NHSL1: variants seen among roughly 807,000 people sequenced by gnomAD.
NHSL1 encodes NHS like 1.
Under a neutral mutation model 95.0 loss-of-function variants are expected in NHSL1, and 48 were observed. That is an observed-to-expected ratio of 0.51 (90% confidence interval 0.40 to 0.64). The LOEUF is 0.64. Ranked by LOEUF, NHSL1 falls within the 30% of genes least tolerant of loss-of-function variation. The probability of loss-of-function intolerance (pLI) is 0.00; values close to 1 mark genes in which losing one functional copy is unlikely to be tolerated. For synonymous variants in NHSL1, 783 were observed against 833.9 expected (o/e 0.94, Z 1.05); for missense variants, 1,971 against 2,077.7 (o/e 0.95, Z 1.00).
chr6:138,673,608 T>TC (rs1785410148), intron 1 of NHSL1, among the ~76,000 whole-genome samples: 1 of 152,212 alleles, frequency 6.6e-6, no homozygotes, highest in Non-Finnish European at 1.5e-5. Flanking sequence ...AAGTTAATTT[T>TC]CACTTTGGAA....
chr6:138,630,775 G>T (rs1056525310), intron 1 of NHSL1, among the ~76,000 whole-genome samples: 6 of 152,252 alleles, frequency 3.9e-5, no homozygotes, highest in African/African-American at 1.4e-4. Context: ...CTCTAAATAT[G>T]CTTGAGCTAA....
At chr6:138,535,024 G>A (rs747043478) in intron 1 of NHSL1, among the ~76,000 whole-genome samples, 8 of 152,068 alleles carry the variant, frequency 5.3e-5, no homozygotes, top group African/African-American at 9.7e-5. Flanking sequence ...TTGCCAAGAC[G>A]AGCTTTTACT....
At position 138,488,106 on chromosome 6, in the gene NHSL1, C is replaced by A. The variant is rs555946159; in HGVS notation, c.211+8113G>T. ...CAGCCTGGCCAACATGGCAAAATCC[C>A]GTCTGTCCTAAAAATACAAAAATTA... On this transcript the variant is annotated intron_variant, in intron 2 of 7. Transcript: ENST00000343505. Among the ~76,000 whole-genome samples the A allele has an allele frequency of 7.9e-5, 12 of 152,120 alleles. 1 individual carries two copies. Among genetic ancestry groups the A allele is most frequent in the African/African-American group, 2.9e-4 (12 of 41,498 alleles).
At chr6:138,667,900 C>T (rs6570260) in intron 1 of NHSL1, among the ~76,000 whole-genome samples, 6,103 of 152,174 alleles carry the variant, frequency 0.04, 317 homozygotes, top group African/African-American at 0.12. Flanking sequence ...GTTAGGACTA[C>T]GAAAAAAGTT....
At chr6:138,652,085 A>G (rs1274869541) in intron 1 of NHSL1, among the ~76,000 whole-genome samples, 1 of 152,124 alleles carries the variant, frequency 6.6e-6, no homozygotes, top group Non-Finnish European at 1.5e-5. Flanking sequence ...AGATGAAATA[A>G]TATTTATTAT....
At chr6:138,427,880 T>C (rs139527662) in intron 7 of NHSL1, among the ~76,000 whole-genome samples, 1 of 152,344 alleles carries the variant, frequency 6.6e-6, no homozygotes, top group East Asian at 1.9e-4. Context: ...TTCTCAACGC[T>C]ACAACAGAAA....
intron 2 of NHSL1, among the ~76,000 whole-genome samples, chr6:138,475,291 C>T (rs994573130): frequency 1.3e-5 from 2 of 151,816 alleles, no homozygotes; most frequent in African/African-American, 2.4e-5. Flanking sequence ...ATGATGATCA[C>T]GGCTCACTTC....
intron 3 of NHSL1, among the ~76,000 whole-genome samples, chr6:138,460,250 C>T (rs181433992): frequency 6.6e-4 from 100 of 152,052 alleles, no homozygotes; most frequent in Admixed American, 1.4e-3. Context: ...ATGGTAATCA[C>T]TCTGATAAAA....
chr6:138,623,854 C>T (rs928273054), intron 1 of NHSL1, among the ~76,000 whole-genome samples: 2 of 152,106 alleles, frequency 1.3e-5, no homozygotes, highest in Non-Finnish European at 2.9e-5. Flanking sequence ...TTCCACATGC[C>T]GCTCTCGTGA....
chr6:138,668,619 T>A (rs905718278), intron 1 of NHSL1, among the ~76,000 whole-genome samples: 1 of 149,488 alleles, frequency 6.7e-6, no homozygotes, highest in African/African-American at 2.5e-5. Context: ...ACAAGAAATT[T>A]TTTTTTCTTT....
intron 1 of NHSL1, among the ~76,000 whole-genome samples, chr6:138,588,377 G>A (rs1324050900): frequency 6.6e-6 from 1 of 152,188 alleles, no homozygotes; most frequent in Admixed American, 6.5e-5. Flanking sequence ...CAAGAGAATC[G>A]CTTGAACCCA....
intron 5 of NHSL1, among the ~76,000 whole-genome samples, chr6:138,436,870 C>G (rs965827158): frequency 6.6e-6 from 1 of 152,164 alleles, no homozygotes; most frequent in South Asian, 2.1e-4. Flanking sequence ...GTAAATGGAA[C>G]AACAAAGCCT....
intron 3 of NHSL1, among the ~76,000 whole-genome samples, chr6:138,465,315 T>C (rs1325588735): frequency 6.6e-6 from 1 of 152,166 alleles, no homozygotes; most frequent in African/African-American, 2.4e-5. Context: ...GTGTGATGCA[T>C]CCAAAGAAAC....
chr6:138,446,647 G>C (rs780503210), intron 4 of NHSL1: 1 of 176,854 alleles, frequency 5.7e-6, no homozygotes, highest in African/African-American at 2.4e-5. Flanking sequence ...CTTTAGAAGG[G>C]AAATATATAC....
intron 2 of NHSL1, among the ~76,000 whole-genome samples, chr6:138,495,248 G>C (rs1003179848): frequency 6.6e-5 from 10 of 151,964 alleles, no homozygotes; most frequent in Non-Finnish European, 1.5e-4. Flanking sequence ...ATCTCAATAA[G>C]AAAAACAAAC....
At chr6:138,584,079 A>G (rs1784099246) in intron 1 of NHSL1, among the ~76,000 whole-genome samples, 1 of 152,182 alleles carries the variant, frequency 6.6e-6, no homozygotes, top group Non-Finnish European at 1.5e-5. Flanking sequence ...TGAATGCACC[A>G]CTGCACTCCA....
intron 2 of NHSL1, among the ~76,000 whole-genome samples, chr6:138,476,080 G>C (rs1779049688): frequency 6.6e-6 from 1 of 152,218 alleles, no homozygotes; most frequent in Admixed American, 6.5e-5. Flanking sequence ...ATGGAAAACA[G>C]TATGGAGATT....
chr6:138,523,912 G>T (rs1053953603), intron 1 of NHSL1, among the ~76,000 whole-genome samples: 1 of 152,128 alleles, frequency 6.6e-6, no homozygotes, highest in African/African-American at 2.4e-5. Flanking sequence ...AAAAATAATA[G>T]CAAAAAGTTA....
upstream of NHSL1, among the ~76,000 whole-genome samples, chr6:138,574,813 C>T (rs1783941861): frequency 1.3e-5 from 2 of 152,070 alleles, no homozygotes; most frequent in South Asian, 4.1e-4. Flanking sequence ...GGTTGCACCA[C>T]TGCACTCCAG....
Sources: allele counts gnomAD v4.1 joint callset (sites outside exome capture counted in the v4.1 genomes callset), GRCh38; gene constraint gnomAD v4.1.1; transcripts MANE v1.5; gene names NCBI Gene and HGNC (gene_info 2026-07-23, HGNC 2026-07-21).